The following DCC variants were observed in gnomAD, a reference collection of about 807,000 sequenced individuals.
DCC encodes the protein DCC netrin 1 receptor, also known as netrin receptor DCC.
DCC carries 58 observed loss-of-function variants against 172.5 expected under a neutral mutation model. That is an observed-to-expected ratio of 0.34 (90% CI 0.27 to 0.42). The LOEUF (loss-of-function observed/expected upper bound fraction) is 0.42, where lower values mean the gene tolerates loss of function less well. Among genes scored for constraint, DCC ranks in the 10% least tolerant of loss-of-function variants. The pLI, the probability that DCC is intolerant of heterozygous loss-of-function variation, is 1.00. For missense variants in DCC, 1,740 were observed against 1,791.0 expected (o/e 0.97, Z 0.51); for synonymous variants, 709 against 644.5 (o/e 1.10, Z -1.52).
intron 1 of DCC, among the ~76,000 whole-genome samples, chr18:52,676,621 A>T (rs575649448): frequency 6.6e-6 from 1 of 152,344 alleles, no homozygotes; most frequent in African/African-American, 2.4e-5. Flanking sequence ...CTTAGAAATC[A>T]GTCTTCCTAT....
rs560413520 is a variant in DCC, at chr18:52,392,458, G to A, written c.91+51580G>A. Among the ~76,000 whole-genome samples, 4 of 152,162 alleles carry A rather than the reference G, an allele frequency of 2.6e-5. No homozygotes were observed. The East Asian group carries it at 7.8e-4, about 30-fold the overall frequency. Reference sequence around the variant, plus strand: ...AAACTGTATAGTGAAGTCTTCTAATGGCAGTTACCGATAGTGAGAAAGGGT... The same window carrying A: ...AAACTGTATAGTGAAGTCTTCTAATAGCAGTTACCGATAGTGAGAAAGGGT... On this transcript the variant is annotated intron_variant, in intron 1 of 28. Coordinates refer to ENST00000442544, the MANE Select transcript of DCC (RefSeq NM_005215.4).
chr18:53,409,139 G>T (rs1430644123), intron 19 of DCC, among the ~76,000 whole-genome samples: 1 of 152,182 alleles, frequency 6.6e-6, no homozygotes, highest in Admixed American at 6.6e-5. Context: ...AAGAAAGGTG[G>T]AATGGTGTGG....
rs2037746489 is a variant in DCC at position 52,790,722 on chromosome 18, TC to T, written c.412+38351del. On this transcript the variant is annotated intron_variant, in intron 2 of 28. Transcript: ENST00000442544. ...TCTTCACCTTCCCGATTTTCTCTTTTCCCTTTTTGCCTGTTATAGGAGACAT... is the reference window on the plus strand; with the variant it reads ...TCTTCACCTTCCCGATTTTCTCTTTTCCTTTTTGCCTGTTATAGGAGACAT... Among the ~76,000 whole-genome samples, 6 of 152,320 alleles carry T rather than the reference TC, an allele frequency of 3.9e-5. No individual in the cohort carries two copies. The South Asian group carries it at 1.2e-3, about 32-fold the overall frequency.
chr18:53,100,778 G>A (rs1311498456), intron 7 of DCC, among the ~76,000 whole-genome samples: 3 of 152,042 alleles, frequency 2.0e-5, no homozygotes, highest in Non-Finnish European at 4.4e-5. Flanking sequence ...TATATCTTGT[G>A]TAGTAAATAA....
chr18:53,157,061 T>C (rs2076190740), intron 7 of DCC, among the ~76,000 whole-genome samples: 1 of 152,200 alleles, frequency 6.6e-6, no homozygotes, highest in Non-Finnish European at 1.5e-5. Context: ...CTCTCCCCTT[T>C]TCTTCCCTGA....
At chr18:52,877,456 C>A (rs1470288912) in intron 2 of DCC, among the ~76,000 whole-genome samples, 2 of 152,120 alleles carry the variant, frequency 1.3e-5, no homozygotes, top group Non-Finnish European at 2.9e-5. Context: ...CACTTGTAAT[C>A]CTAGCACTTT....
At chr18:53,101,030 C>T (rs2043165125) in intron 7 of DCC, among the ~76,000 whole-genome samples, 1 of 152,116 alleles carries the variant, frequency 6.6e-6, no homozygotes, top group Non-Finnish European at 1.5e-5. Context: ...TTGTTCCACA[C>T]AATTAACATT....
intron 1 of DCC, among the ~76,000 whole-genome samples, chr18:52,613,014 T>C (rs1160915943): frequency 6.6e-6 from 1 of 152,230 alleles, no homozygotes; most frequent in African/African-American, 2.4e-5. Context: ...TTTTGAGTGA[T>C]AAGAAGCTGT....
Position 53,063,444 on chromosome 18 carries a change from T to C in DCC, c.1125T>C (p.Asp375=), listed in dbSNP as rs2042524252. 1.2e-6 allele frequency: 2 copies of C among 1,610,072 alleles called. No homozygotes were observed. The highest frequency in any genetic ancestry group is 8.5e-7 in the Non-Finnish European group (1 of 1,176,670). The change falls in exon 6 of 29, where the codon GAT becomes GAC. Residue 375 remains aspartate, a synonymous_variant. Transcript: ENST00000442544. ...ATGGAGATGTGGTCATTCCTAGTGA[T>C]TATTTTCAGATAGTGGTAATTATTT... The part of the protein sequence containing the change: ...MKNGDVVIPS[D]YFQIVGGSNL...
chr18:53,313,303 C>T (rs59670223), intron 13 of DCC, among the ~76,000 whole-genome samples: 11,595 of 151,880 alleles, frequency 0.076, 1,513 homozygotes, highest in African/African-American at 0.26. Flanking sequence ...TTGAGTGCAG[C>T]GGCACGATCT....
At position 53,107,736 on chromosome 18, in the gene DCC, G is replaced by A. The variant is rs79872402; in HGVS notation, c.1261+41570G>A. ...TATTTAAAGAGAGGCTTTCTGCCTCGTGATGCTGTAAAGTTTTAAATGGTG... is the reference window on the plus strand; with the variant it reads ...TATTTAAAGAGAGGCTTTCTGCCTCATGATGCTGTAAAGTTTTAAATGGTG... On this transcript the variant is annotated intron_variant, in intron 7 of 28. Transcript: ENST00000442544. Among the ~76,000 whole-genome samples, 1,195 of 151,840 alleles carry A rather than the reference G, an allele frequency of 7.9e-3. 8 individuals are homozygous for A. The highest frequency in any genetic ancestry group is 0.013 in the Non-Finnish European group (898 of 67,814).
intron 5 of DCC, among the ~76,000 whole-genome samples, chr18:52,975,233 G>A (rs1434123807): frequency 1.3e-5 from 2 of 152,178 alleles, no homozygotes; most frequent in African/African-American, 4.8e-5. Context: ...GGTCTTGGTT[G>A]GGGCTTTCTT....
At position 53,258,409 on chromosome 18, in the gene DCC, G is replaced by T. The variant is rs536050734; in HGVS notation, c.1911+42812G>T. Among the ~76,000 whole-genome samples, 5 of 151,950 alleles carry T rather than the reference G, an allele frequency of 3.3e-5. No homozygotes were observed. The East Asian group carries it at 9.7e-4, about 29-fold the overall frequency. On this transcript the variant is annotated intron_variant, in intron 12 of 28. Coordinates refer to ENST00000442544, the MANE Select transcript of DCC (RefSeq NM_005215.4). ...TGTGTCCCTGAGATTCTGATATGTTGTATCTTTGTTCTCGTTGGTTTCAAA... is the reference window on the plus strand; with the variant it reads ...TGTGTCCCTGAGATTCTGATATGTTTTATCTTTGTTCTCGTTGGTTTCAAA...
intron 2 of DCC, among the ~76,000 whole-genome samples, chr18:52,806,213 AAAGT>A (rs1291031484): frequency 2.6e-5 from 4 of 152,190 alleles, no homozygotes; most frequent in Non-Finnish European, 5.9e-5. Context: ...AACCAGGCAG[AAAGT>A]AAGAGACTTC....
intron 12 of DCC, among the ~76,000 whole-genome samples, chr18:53,240,689 G>T (rs1300432825): frequency 1.3e-5 from 2 of 152,056 alleles, no homozygotes; most frequent in African/African-American, 4.8e-5. Context: ...GATTGTCGTT[G>T]GGACTAAATA....
intron 8 of DCC, among the ~76,000 whole-genome samples, chr18:53,174,868 A>C (rs2055066638): frequency 6.6e-6 from 1 of 152,148 alleles, no homozygotes; most frequent in Non-Finnish European, 1.5e-5. Context: ...GCAGAGACAC[A>C]ACAAAAAAAG....
intron 1 of DCC, among the ~76,000 whole-genome samples, chr18:52,543,781 A>G (rs1379793453): frequency 6.6e-6 from 1 of 152,184 alleles, no homozygotes; most frequent in Admixed American, 6.5e-5. Flanking sequence ...TAGAGAGCAG[A>G]GCTGGGATCC....
intron 5 of DCC, among the ~76,000 whole-genome samples, chr18:52,947,707 G>T (rs1227933107): frequency 1.3e-5 from 2 of 152,152 alleles, no homozygotes. Context: ...TACCTCTTAT[G>T]GAAGGGGCCG....
chr18:53,485,300 C>A (rs934912400), intron 25 of DCC, among the ~76,000 whole-genome samples: 3 of 151,908 alleles, frequency 2.0e-5, no homozygotes, highest in Admixed American at 1.3e-4. Context: ...TAAAAAAATT[C>A]TATTAATGTC....
Sources: allele counts gnomAD v4.1 joint callset (sites outside exome capture counted in the v4.1 genomes callset), GRCh38; gene constraint gnomAD v4.1.1; transcripts MANE v1.5; gene names NCBI Gene and HGNC (gene_info 2026-07-23, HGNC 2026-07-21).